RFT1: variants seen among roughly 807,000 people sequenced by gnomAD.
RFT1 encodes the protein man(5)GlcNAc(2)-PP-dolichol translocation protein RFT1.
RFT1 carries 43 observed loss-of-function variants against 62.2 expected under a neutral mutation model. The ratio of observed to expected loss-of-function variants is 0.69; its 90% CI spans 0.54 to 0.89. The LOEUF is 0.89. Ranked by LOEUF, RFT1 falls within the 40% of genes least tolerant of loss-of-function variation. RFT1 has a pLI of 0.00. For synonymous variants in RFT1, 262 were observed against 264.6 expected, an observed-to-expected ratio of 0.99 and a Z score of 0.10; for missense variants, 605 against 649.9, an observed-to-expected ratio of 0.93 and a Z score of 0.75.
At chr3:53,107,135 GGTTTT>G (rs1442955153) in intron 7 of RFT1, among the ~76,000 whole-genome samples, 2 of 55,752 alleles carry the variant, frequency 3.6e-5, no homozygotes, top group African/African-American at 1.1e-4. Context: ...AGTCTAAAAA[GGTTTT>G]TTTTTTTTTT....
intron 1 of RFT1, among the ~76,000 whole-genome samples, chr3:53,130,053 C>T (rs546546702): frequency 6.6e-6 from 1 of 152,250 alleles, no homozygotes; most frequent in African/African-American, 2.4e-5. Context: ...TCACCCCCGC[C>T]ACCTGATCTA....
At chr3:53,105,885 T>G in intron 8 of RFT1, 82 bp from the exon 9 acceptor site, 1 of 1,244,702 alleles carries the variant, frequency 8.0e-7, no homozygotes, top group South Asian at 1.4e-5. Context: ...TTATTTAATA[T>G]TTTCATTAAA....
intron 10 of RFT1, chr3:53,103,396 G>A (rs916633501): frequency 1.7e-5 from 6 of 363,390 alleles, no homozygotes; most frequent in Middle Eastern, 1.5e-3. Flanking sequence ...GATCCTCAGC[G>A]GCCTGGTGTT....
At position 53,119,958 on chromosome 3, in the gene RFT1, G is replaced by C. The variant is rs905548927; in HGVS notation, c.622C>G (p.Pro208Ala). 3 of 1,612,514 alleles carry C rather than the reference G, an allele frequency of 1.9e-6. No individual in the cohort carries two copies. The East Asian group carries it at 6.7e-5, about 36-fold the overall frequency. ...AGAGTTTGAAGCTTGGTTGATTCTG[G>C]GGAACCCAGTAACTTTGTGAAATAA... is the stretch of plus-strand genomic sequence containing the variant. ...VIYFTKLLGS[P>A]ESTKLQTLPV... Residue 208 changes from proline (P) to alanine (A), a missense_variant, in exon 6 of 13, where the codon CCA becomes GCA. Coordinates refer to ENST00000296292, the MANE Select transcript of RFT1 (RefSeq NM_052859.4).
chr3:53,126,105 C>A, intron 1 of RFT1, 111 bp from the exon 2 acceptor site: 5 of 860,118 alleles, frequency 5.8e-6, no homozygotes, highest in Non-Finnish European at 9.5e-6. Flanking sequence ...TGACATACAG[C>A]AGCTTTTTCA....
Position 53,092,013 on chromosome 3 carries a change from C to T in RFT1, c.1516G>A (p.Ala506Thr), listed in dbSNP as rs1701003868. Residue 506 changes from alanine (A) to threonine (T), a missense_variant, in exon 13 of 13, where the codon GCC becomes ACC. Physicochemically the swap from Ala to Thr is moderately conservative, Grantham distance 58. Coordinates refer to ENST00000296292, the MANE Select transcript of RFT1 (RefSeq NM_052859.4). ...PARLAHIAVG[A>T]FCLGATLGTA... Reference sequence around the variant, plus strand: ...CCGAGAGTTGCTCCCAGACAGAAGGCCCCCACAGCAATGTGTGCCAGTCTG... The same window carrying T: ...CCGAGAGTTGCTCCCAGACAGAAGGTCCCCACAGCAATGTGTGCCAGTCTG... 17 of 1,614,242 alleles carry T rather than the reference C, an allele frequency of 1.1e-5. No individual in the cohort carries two copies. The highest frequency in any genetic ancestry group is 1.4e-5 in the Non-Finnish European group (16 of 1,180,030).
At chr3:53,099,620 G>C in intron 10 of RFT1, 134 bp from the exon 11 acceptor site, 1 of 712,466 alleles carries the variant, frequency 1.4e-6, no homozygotes, top group Non-Finnish European at 2.6e-6. Context: ...CAGACTGCAT[G>C]CTAGAGCCCA....
At position 53,106,857 on chromosome 3, in the gene RFT1, A is replaced by C. The variant is rs199767336; in HGVS notation, c.788T>G (p.Val263Gly). 6.2e-7 allele frequency: 1 copy of C among 1,613,232 alleles called. No individual in the cohort carries two copies. Among genetic ancestry groups the C allele is most frequent in the Non-Finnish European group, 8.5e-7 (1 of 1,179,266 alleles). ...KQILTEGERY[V>G]MTFLNVLNFG... is the part of the protein sequence containing the mutation. ...GTTCAATACATTCAAAAATGTCATC[A>C]CATATCGCTCGCCTATAAACAAAAA... The change falls in exon 8 of 13, where the codon GTG becomes GGG. Residue 263 changes from valine to glycine, a missense_variant. By Grantham distance (109) the Val-to-Gly change is moderately radical. Coordinates refer to ENST00000296292, the MANE Select transcript of RFT1 (RefSeq NM_052859.4).
intron 7 of RFT1, among the ~76,000 whole-genome samples, chr3:53,107,850 A>C (rs4234641): frequency 1 from 151,477 of 152,238 alleles, 75,367 homozygotes; most frequent in Middle Eastern, 1. Flanking sequence ...GTAACTTGCT[A>C]AAAAAGGAAA....
At chr3:53,105,985 C>A (rs988992419) in intron 8 of RFT1, among the ~76,000 whole-genome samples, 182 bp from the exon 9 acceptor site, 1 of 152,190 alleles carries the variant, frequency 6.6e-6, no homozygotes, top group Non-Finnish European at 1.5e-5. Context: ...ATAATCCCAG[C>A]ACTTTGGGAG....
intron 6 of RFT1, among the ~76,000 whole-genome samples, chr3:53,115,769 T>A (rs1025210917): frequency 6.6e-6 from 1 of 152,248 alleles, no homozygotes. Context: ...GAAGCCTTCC[T>A]TGATGTTCCT....
intron 6 of RFT1, 28 bp downstream of exon 6, chr3:53,119,856 T>G: frequency 1.3e-6 from 2 of 1,574,492 alleles, no homozygotes; most frequent in African/African-American, 2.7e-5. Context: ...ATGATTAAAA[T>G]GATAAGAGAT....
the RFT1 span, among the ~76,000 whole-genome samples, chr3:53,076,971 G>GA: frequency 1.3e-5 from 2 of 151,458 alleles, no homozygotes; most frequent in African/African-American, 4.9e-5. Flanking sequence ...AAAAAAGAGT[G>GA]AAAGAGTCAA....
At chr3:53,127,652 T>TAA (rs34417920) in intron 1 of RFT1, among the ~76,000 whole-genome samples, 3 of 137,866 alleles carry the variant, frequency 2.2e-5, no homozygotes, top group Non-Finnish European at 3.1e-5. Flanking sequence ...GACTCCATCT[T>TAA]AAAAAAAAAA....
At chr3:53,099,620 G>T in intron 10 of RFT1, 134 bp from the exon 11 acceptor site, 1 of 712,466 alleles carries the variant, frequency 1.4e-6, no homozygotes, top group Non-Finnish European at 2.6e-6. Flanking sequence ...CAGACTGCAT[G>T]CTAGAGCCCA....
rs368020513 is a variant in RFT1, at chr3:53,091,881, G to C, written c.*22C>G. Reference sequence around the variant, plus strand: ...TACCCATAGCTGGTCCAGGTGCCTCGGGTGTCCAGGCTTCCCTGAAGTCAT... The same window carrying C: ...TACCCATAGCTGGTCCAGGTGCCTCCGGTGTCCAGGCTTCCCTGAAGTCAT... On this transcript the variant is annotated 3_prime_UTR_variant, in exon 13 of 13. Coordinates refer to ENST00000296292, the MANE Select transcript of RFT1 (RefSeq NM_052859.4). 1.2e-6 allele frequency: 2 copies of C among 1,613,448 alleles called. No individual in the cohort carries two copies. Among genetic ancestry groups the C allele is most frequent in the African/African-American group, 1.3e-5 (1 of 75,022 alleles).
rs923423420 is a variant in RFT1, at chr3:53,091,577, T to C, written c.*326A>G. On this transcript the variant is annotated 3_prime_UTR_variant, in exon 13 of 13. Coordinates refer to ENST00000296292, the MANE Select transcript of RFT1 (RefSeq NM_052859.4). ...AGTTAACAATTAAGATATAGTTTGT[T>C]GGAGCATGTAGCTCCAAAGGCCAAT... 6 of 339,128 alleles carry C rather than the reference T, an allele frequency of 1.8e-5. No individual in the cohort carries two copies. The highest frequency in any genetic ancestry group is 2.8e-5 in the Non-Finnish European group (5 of 176,150). The allele number at this position is 339,128 out of a possible 1,614,324, so 21.0% of individuals were successfully genotyped here.
At chr3:53,123,031 T>C (rs886670243) in intron 3 of RFT1, among the ~76,000 whole-genome samples, 8 of 152,246 alleles carry the variant, frequency 5.3e-5, no homozygotes, top group Non-Finnish European at 7.3e-5. Flanking sequence ...ATGTTTCACA[T>C]GTGTACCATG....
chr3:53,113,626 A>T (rs566799856), intron 6 of RFT1, among the ~76,000 whole-genome samples: 1 of 152,374 alleles, frequency 6.6e-6, no homozygotes, highest in South Asian at 2.1e-4. Context: ...AAAAAGAAAC[A>T]AGTGAAATTA....
Sources: gnomAD v4.1 joint callset for allele counts (sites outside exome capture counted in the v4.1 genomes callset) on GRCh38, gnomAD v4.1.1 for gene constraint, MANE v1.5 for transcripts, NCBI Gene and HGNC (gene_info 2026-07-23, HGNC 2026-07-21) for gene names.